DST: variants seen among roughly 807,000 people sequenced by gnomAD.
The protein encoded by DST is dystonin.
Under a neutral mutation model 875.2 loss-of-function variants are expected in DST, and 253 were observed. The observed-to-expected ratio is 0.29, with a 90% confidence interval of 0.26 to 0.32. DST has a LOEUF of 0.32. Among genes scored for constraint, DST ranks in the 10% least tolerant of loss-of-function variants. The pLI is 1.00. For synonymous variants in DST, 3,124 were observed against 3,197.1 expected, an observed-to-expected ratio of 0.98 and a Z score of 0.77; for missense variants, 8,287 against 9,111.6, an observed-to-expected ratio of 0.91 and a Z score of 3.68.
chr6:56,462,145 A>G (rs752872019), intron 102 of DST: 8 of 152,182 alleles, frequency 5.3e-5, no homozygotes, highest in Admixed American at 1.3e-4. Flanking sequence ...TTAAGGTGAA[A>G]TACCTTCTTC....
chr6:56,548,270 G>A (rs2097262321), intron 61 of DST, among the ~76,000 whole-genome samples: 1 of 152,206 alleles, frequency 6.6e-6, no homozygotes, highest in Non-Finnish European at 1.5e-5. Context: ...AGCCATCCTG[G>A]GCCACAGGTG....
intron 69 of DST, 74 bp downstream of exon 69, chr6:56,526,287 T>C (rs1584048576): frequency 1.3e-5 from 19 of 1,441,506 alleles, no homozygotes; most frequent in Non-Finnish European, 1.5e-5. Context: ...TTAACAGTCA[T>C]CTTTGTTCAG....
chr6:56,706,322 A>AG (rs2099336626), intron 5 of DST, among the ~76,000 whole-genome samples: 1 of 151,426 alleles, frequency 6.6e-6, no homozygotes, highest in Non-Finnish European at 1.5e-5. Context: ...TCAAAAAAAA[A>AG]AAAGAAAGAA....
chr6:56,771,129 A>AC (rs1458294148), intron 4 of DST, among the ~76,000 whole-genome samples: 3 of 152,210 alleles, frequency 2.0e-5, no homozygotes, highest in East Asian at 3.9e-4. Flanking sequence ...CCTTAGAGCT[A>AC]CCACATCCCA....
chr6:56,771,601 T>C (rs112600211), intron 4 of DST, among the ~76,000 whole-genome samples: 2,721 of 152,302 alleles, frequency 0.018, 65 homozygotes, highest in African/African-American at 0.061. Context: ...GGACAAGATG[T>C]TGAGGCTCCA....
chr6:56,933,869 C>G (rs1053896237), intron 2 of DST, among the ~76,000 whole-genome samples: 1 of 152,108 alleles, frequency 6.6e-6, no homozygotes, highest in African/African-American at 2.4e-5. Flanking sequence ...GATCTTATTT[C>G]AGATAGCTTA....
chr6:56,949,093 C>T (rs975925408), intron 2 of DST, among the ~76,000 whole-genome samples: 2 of 152,152 alleles, frequency 1.3e-5, no homozygotes, highest in African/African-American at 4.8e-5. Context: ...TGTTATTACC[C>T]TAGTTCCATT....
chr6:56,707,156 C>G (rs148763208), intron 5 of DST, among the ~76,000 whole-genome samples: 186 of 152,304 alleles, frequency 1.2e-3, no homozygotes, highest in African/African-American at 4.2e-3. Flanking sequence ...GGCCATGGAC[C>G]GGACCAGTAC....
At chr6:56,730,317 T>C (rs549773908) in intron 5 of DST, among the ~76,000 whole-genome samples, 38 of 152,274 alleles carry the variant, frequency 2.5e-4, no homozygotes, top group African/African-American at 8.4e-4. Flanking sequence ...CTTCTAATGA[T>C]AGCTGTTAAC....
chr6:56,762,808 T>C (rs894205888), intron 4 of DST, among the ~76,000 whole-genome samples: 4 of 151,808 alleles, frequency 2.6e-5, no homozygotes, highest in East Asian at 1.9e-4. Flanking sequence ...CACTTTGTAC[T>C]ATACCATAGG....
At chr6:56,496,558 T>C (rs1261084498) in intron 82 of DST, among the ~76,000 whole-genome samples, 1 of 152,162 alleles carries the variant, frequency 6.6e-6, no homozygotes, top group Non-Finnish European at 1.5e-5. Context: ...ACAATAATTT[T>C]AAGTCATTCT....
chr6:56,926,353 C>A lies in DST; in HGVS notation c.217-25732G>T, dbSNP rs78060295. On this transcript the variant is annotated intron_variant, in intron 2 of 103. Transcript: ENST00000680361. Reference sequence around the variant, plus strand: ...CAAAAGAGAATAAACATGGAATGCACCCTCAGCAGCAACCAGCCTGGTGAA... The same window carrying A: ...CAAAAGAGAATAAACATGGAATGCAACCTCAGCAGCAACCAGCCTGGTGAA... Among the ~76,000 whole-genome samples the A allele has an allele frequency of 7.9e-3, 1,197 of 152,272 alleles. 23 individuals carry two copies. Among genetic ancestry groups the A allele is most frequent in the African/African-American group, 0.028 (1,152 of 41,540 alleles).
At chr6:56,864,054 G>A (rs2127596419) in intron 3 of DST, 1 of 152,332 alleles carries the variant, frequency 6.6e-6, no homozygotes, top group South Asian at 2.1e-4. Flanking sequence ...TTTATTCAGT[G>A]GACTTCAAGT....
chr6:56,543,301 T>C (rs1175269939), intron 61 of DST, among the ~76,000 whole-genome samples: 5 of 152,204 alleles, frequency 3.3e-5, no homozygotes, highest in Admixed American at 1.3e-4. Flanking sequence ...GTCGAGAGTG[T>C]TTTGCCGTTC....
intron 4 of DST, among the ~76,000 whole-genome samples, chr6:56,769,656 A>C (rs2099644170): frequency 1.3e-5 from 2 of 152,092 alleles, no homozygotes; most frequent in Admixed American, 1.3e-4. Flanking sequence ...TCTCTACAAA[A>C]AAACACAAAA....
intron 61 of DST, among the ~76,000 whole-genome samples, chr6:56,547,203 T>A: frequency 6.6e-6 from 1 of 152,158 alleles, no homozygotes; most frequent in East Asian, 1.9e-4. Flanking sequence ...CTGTTATGCC[T>A]AGTTTGTGTG....
chr6:56,765,297 T>C (rs573718497), intron 4 of DST, among the ~76,000 whole-genome samples: 1 of 152,340 alleles, frequency 6.6e-6, no homozygotes, highest in South Asian at 2.1e-4. Flanking sequence ...TTTCTGCAGA[T>C]ATCATTTGCC....
chr6:56,795,962 A>G (rs34228698), intron 4 of DST, among the ~76,000 whole-genome samples: 24,789 of 152,170 alleles, frequency 0.16, 2,244 homozygotes, highest in Non-Finnish European at 0.19. Flanking sequence ...ACTAGAGAAG[A>G]CAGTTTGTCA....
At chr6:56,593,058 CAT>C (rs2098309248) in intron 48 of DST, among the ~76,000 whole-genome samples, 1 of 152,082 alleles carries the variant, frequency 6.6e-6, no homozygotes, top group African/African-American at 2.4e-5. Flanking sequence ...AGGCTGCAAG[CAT>C]CTGTTTTTGC....
Sources: gnomAD v4.1 joint callset for allele counts (sites outside exome capture counted in the v4.1 genomes callset) on GRCh38, gnomAD v4.1.1 for gene constraint, MANE v1.5 for transcripts, NCBI Gene and HGNC (gene_info 2026-07-23, HGNC 2026-07-21) for gene names.